Variants in PTPRD observed in about 807,000 individuals in gnomAD.
PTPRD encodes the protein protein tyrosine phosphatase receptor type D, also known as receptor-type tyrosine-protein phosphatase delta.
A neutral mutation model predicts 214.5 loss-of-function variants in PTPRD; 34 were observed. The observed-to-expected ratio is 0.16, with a 90% CI of 0.12 to 0.21. The LOEUF (loss-of-function observed/expected upper bound fraction) is 0.21. PTPRD is among the 10% of genes least tolerant of loss of function. PTPRD has a pLI of 1.00. For synonymous variants in PTPRD, 1,128 were observed against 845.7 expected, an observed-to-expected ratio of 1.33 and a Z score of -5.79; for missense variants, 2,545 against 2,398.7, an observed-to-expected ratio of 1.06 and a Z score of -1.27.
intron 7 of PTPRD, among the ~76,000 whole-genome samples, chr9:9,694,823 TGAACGCTACCAGGCCTAG>T (rs1212450139): frequency 3.3e-5 from 5 of 152,086 alleles, no homozygotes; most frequent in African/African-American, 1.2e-4. Context: ...TGGCTTGTGG[TGAACGCTACCAGGCCTAG>T]GACTCACTCT....
At chr9:8,322,683 T>C (rs12684196) in intron 44 of PTPRD, among the ~76,000 whole-genome samples, 21,126 of 152,146 alleles carry the variant, frequency 0.14, 1,926 homozygotes, top group East Asian at 0.35. Context: ...ACAGAAGCTG[T>C]AGCAAGTTAT....
At chr9:8,596,933 C>G (rs2094507261) in intron 14 of PTPRD, among the ~76,000 whole-genome samples, 1 of 152,094 alleles carries the variant, frequency 6.6e-6, no homozygotes, top group Admixed American at 6.5e-5. Flanking sequence ...AAATATCTAA[C>G]AGGATGTCAT....
intron 9 of PTPRD, among the ~76,000 whole-genome samples, chr9:9,213,436 A>G (rs1360225969): frequency 3.3e-5 from 5 of 152,192 alleles, no homozygotes; most frequent in Non-Finnish European, 7.3e-5. Context: ...ATTCTTTGCT[A>G]AATGCAATAC....
chr9:9,322,852 T>A (rs1331544411), intron 9 of PTPRD, among the ~76,000 whole-genome samples: 1 of 152,182 alleles, frequency 6.6e-6, no homozygotes, highest in African/African-American at 2.4e-5. Context: ...ATTTAGAAAG[T>A]GTGGAGACCT....
At chr9:9,850,646 A>G (rs1350185778) in intron 5 of PTPRD, among the ~76,000 whole-genome samples, 11 of 152,202 alleles carry the variant, frequency 7.2e-5, no homozygotes, top group South Asian at 6.2e-4. Flanking sequence ...AGCTAAGTAA[A>G]TTATGTATTG....
chr9:9,143,322 T>C (rs546250980), intron 10 of PTPRD, among the ~76,000 whole-genome samples: 71 of 152,322 alleles, frequency 4.7e-4, no homozygotes, highest in African/African-American at 1.7e-3. Flanking sequence ...GGTCAGTCAG[T>C]GGTTAGAATT....
At chr9:9,290,468 A>G (rs1317629105) in intron 9 of PTPRD, among the ~76,000 whole-genome samples, 1 of 151,500 alleles carries the variant, frequency 6.6e-6, no homozygotes, top group Non-Finnish European at 1.5e-5. Flanking sequence ...GGATATAGTC[A>G]CTTGTTGATT....
chr9:8,477,484 T>C (rs1265463752), intron 30 of PTPRD, among the ~76,000 whole-genome samples: 1 of 152,232 alleles, frequency 6.6e-6, no homozygotes, highest in Non-Finnish European at 1.5e-5. Context: ...CTCTGGTTTT[T>C]GTGGCAGTCC....
chr9:9,925,289 A>G (rs558757928), intron 5 of PTPRD, among the ~76,000 whole-genome samples: 58 of 152,180 alleles, frequency 3.8e-4, no homozygotes, highest in Non-Finnish European at 7.4e-4. Flanking sequence ...GCCTTACTAA[A>G]CAGAAATTCA....
At chr9:10,033,474 G>A (rs1384566522) in intron 4 of PTPRD, among the ~76,000 whole-genome samples, 1 of 151,598 alleles carries the variant, frequency 6.6e-6, no homozygotes, top group Non-Finnish European at 1.5e-5. Flanking sequence ...TAAAAATACT[G>A]CTTTTTATTC....
chr9:9,166,134 G>T (rs1359768102), intron 10 of PTPRD, among the ~76,000 whole-genome samples: 1 of 142,330 alleles, frequency 7.0e-6, no homozygotes, highest in East Asian at 2.0e-4. Context: ...AAGACTCTGG[G>T]TTTGATTTTT....
At chr9:10,454,961 G>T (rs1269007270) in intron 2 of PTPRD, among the ~76,000 whole-genome samples, 2 of 151,562 alleles carry the variant, frequency 1.3e-5, no homozygotes, top group Non-Finnish European at 3.0e-5. Context: ...AAAGTTGAGA[G>T]GACAAAAATA....
chr9:8,721,436 A>C (rs1164578136), intron 12 of PTPRD, among the ~76,000 whole-genome samples: 1 of 151,880 alleles, frequency 6.6e-6, no homozygotes, highest in Non-Finnish European at 1.5e-5. Context: ...TTTCAAAAAA[A>C]AAAAAAAAAG....
intron 3 of PTPRD, among the ~76,000 whole-genome samples, chr9:10,259,337 T>A (rs1405355227): frequency 1.3e-5 from 2 of 152,190 alleles, no homozygotes; most frequent in Non-Finnish European, 2.9e-5. Context: ...ATCTGTTTCT[T>A]ATGTGTAGTG....
intron 14 of PTPRD, among the ~76,000 whole-genome samples, chr9:8,576,778 C>G (rs968757314): frequency 2.6e-5 from 4 of 152,080 alleles, no homozygotes; most frequent in African/African-American, 2.4e-5. Context: ...ATGTTCCCTG[C>G]AATCCTAATC....
In PTPRD at chr9:9,060,002, T is replaced by G. The variant is rs369122456; in HGVS notation, c.-142-41267A>C. 3.3e-5 allele frequency among the ~76,000 whole-genome samples: 5 copies of G among 152,116 alleles called. No individual in the cohort carries two copies. The East Asian group carries it at 9.6e-4, about 29-fold the overall frequency. Reference sequence around the variant, plus strand: ...AGTTATTTTTTAAATTTAATGCAATTCCAATAAAATGTAAATTTTTGTTTG... The same window carrying G: ...AGTTATTTTTTAAATTTAATGCAATGCCAATAAAATGTAAATTTTTGTTTG... On this transcript the variant is annotated intron_variant, in intron 10 of 45. Coordinates refer to ENST00000381196, the MANE Select transcript of PTPRD (RefSeq NM_002839.4).
At chr9:9,990,436 G>C (rs891621240) in intron 4 of PTPRD, among the ~76,000 whole-genome samples, 4 of 152,202 alleles carry the variant, frequency 2.6e-5, no homozygotes, top group African/African-American at 9.6e-5. Flanking sequence ...AAGTCAGTGA[G>C]GGGGCTTGGC....
chr9:9,989,876 T>C (rs1035370900), intron 4 of PTPRD, among the ~76,000 whole-genome samples: 1 of 152,192 alleles, frequency 6.6e-6, no homozygotes, highest in African/African-American at 2.4e-5. Flanking sequence ...CTCACCTGCA[T>C]GCTCCCTGCA....
chr9:9,080,337 A>G (rs1193442107), intron 10 of PTPRD, among the ~76,000 whole-genome samples: 4 of 152,050 alleles, frequency 2.6e-5, no homozygotes, highest in Non-Finnish European at 5.9e-5. Flanking sequence ...TACATGGAAA[A>G]GTAATTTAAA....
Sources: gnomAD v4.1 joint callset for allele counts (sites outside exome capture counted in the v4.1 genomes callset) on GRCh38, gnomAD v4.1.1 for gene constraint, MANE v1.5 for transcripts, NCBI Gene and HGNC (gene_info 2026-07-23, HGNC 2026-07-21) for gene names.